PCDHGA2: variants seen among roughly 807,000 people sequenced by gnomAD.
PCDHGA2 encodes protocadherin gamma subfamily A, 2.
In PCDHGA2, 40 loss-of-function variants were observed where a neutral mutation model predicts 59.2. The ratio of observed to expected loss-of-function variants is 0.68; its 90% CI spans 0.52 to 0.88. PCDHGA2 has a LOEUF of 0.88. PCDHGA2 is among the 40% of genes least tolerant of loss of function. PCDHGA2 has a pLI of 0.00. For missense variants in PCDHGA2, 1,226 were observed against 1,204.0 expected, an observed-to-expected ratio of 1.02 and a Z score of -0.27; for synonymous variants, 560 against 526.0, an observed-to-expected ratio of 1.06 and a Z score of -0.89.
chr5:141,399,643 C>T, intron 1 of PCDHGA2: 1 of 1,613,832 alleles, frequency 6.2e-7, no homozygotes, highest in Non-Finnish European at 8.5e-7. Context: ...CATGAGCGCG[C>T]AAAGTGGGGT....
At chr5:141,391,358 G>T (rs2150448712) in intron 1 of PCDHGA2, 1 of 150,474 alleles carries the variant, frequency 6.6e-6, no homozygotes, top group East Asian at 1.9e-4. Context: ...TGTTACTCAG[G>T]CTGTAGTGCA....
intron 1 of PCDHGA2, among the ~76,000 whole-genome samples, chr5:141,401,643 A>G (rs973841801): frequency 6.6e-6 from 1 of 152,262 alleles, no homozygotes; most frequent in African/African-American, 2.4e-5. Context: ...AGCTTTAAAT[A>G]TAAATGACTG....
intron 1 of PCDHGA2, among the ~76,000 whole-genome samples, chr5:141,450,696 A>G (rs943551061): frequency 1.3e-5 from 2 of 152,164 alleles, no homozygotes; most frequent in East Asian, 3.9e-4. Flanking sequence ...CATGTTGCCC[A>G]GGATGGTCTC....
intron 1 of PCDHGA2, among the ~76,000 whole-genome samples, chr5:141,467,590 A>T (rs2099146863): frequency 6.6e-6 from 1 of 152,214 alleles, no homozygotes; most frequent in African/African-American, 2.4e-5. Context: ...AATGCCATTT[A>T]TTAAGCACTT....
chr5:141,494,923 G>A lies in PCDHGA2; in HGVS notation c.2483+58G>A, dbSNP rs572227346. Reference sequence around the variant, plus strand: ...TCTGCGGCATTTTCTCAGGGATGACGTGGGAGGAGATGGGGGAGGGCCCAG... The same window carrying A: ...TCTGCGGCATTTTCTCAGGGATGACATGGGAGGAGATGGGGGAGGGCCCAG... On this transcript the variant is annotated intron_variant, in intron 2 of 3. Coordinates refer to ENST00000394576, the MANE Select transcript of PCDHGA2 (RefSeq NM_018915.4). The A allele has an allele frequency of 8.9e-5, 143 of 1,613,698 alleles. 1 individual carries two copies. In the Middle Eastern group the frequency reaches 1.8e-3, roughly 20 times the overall value.
Position 141,512,270 on chromosome 5 carries a change from G to C in PCDHGA2, c.*1097G>C, listed in dbSNP as rs1188941232. On this transcript the variant is annotated 3_prime_UTR_variant, in exon 4 of 4. Transcript: ENST00000394576. ...TCTGTGGGTGCTGGGTACTCCAGAG[G>C]TGCCACTGGTGGAAGGGTCAGCGGA... 6.5e-6 allele frequency: 1 copy of C among 152,714 alleles called. No homozygotes were observed. The highest frequency in any genetic ancestry group is 2.4e-5 in the African/African-American group (1 of 41,452). The allele number at this position is 152,714 out of a possible 1,614,324, so 9.5% of individuals were successfully genotyped here. A position where few individuals can be genotyped will look rare whatever the true frequency, so the allele number is the denominator to read the frequency against.
rs1038435691 is a variant in PCDHGA2 at position 141,344,648 on chromosome 5, A to G, written c.2424+3253A>G. 1.2e-5 allele frequency: 20 copies of G among 1,613,870 alleles called. No homozygotes were observed. The Admixed American group carries it at 3.2e-4, about 26-fold the overall frequency. ...AGCGGGCCCTGGACCGTGAGAAAAAAGAAATTCACCAGCTTGTCCTGGTTG... is the reference window on the plus strand; with the variant it reads ...AGCGGGCCCTGGACCGTGAGAAAAAGGAAATTCACCAGCTTGTCCTGGTTG... On this transcript the variant is annotated intron_variant, in intron 1 of 3. Coordinates refer to ENST00000394576, the MANE Select transcript of PCDHGA2 (RefSeq NM_018915.4).
chr5:141,431,731 T>G lies in PCDHGA2; in HGVS notation c.2425-63076T>G. 6.2e-7 allele frequency: 1 copy of G among 1,614,210 alleles called. No homozygotes were observed. The highest frequency in any genetic ancestry group is 8.5e-7 in the Non-Finnish European group (1 of 1,180,034). Reference sequence around the variant, plus strand: ...AGATGGAAGTGCAAGCAATGGATAATGCAGGATATTCTGCGCGAGCCAAAG... The same window carrying G: ...AGATGGAAGTGCAAGCAATGGATAAGGCAGGATATTCTGCGCGAGCCAAAG... On this transcript the variant is annotated intron_variant, in intron 1 of 3. Coordinates refer to ENST00000394576, the MANE Select transcript of PCDHGA2 (RefSeq NM_018915.4). The surrounding 1 kb of genome is among the most constrained non-coding windows in gnomAD (Gnocchi z 4.8).
intron 1 of PCDHGA2, among the ~76,000 whole-genome samples, chr5:141,460,983 G>GTGTGTGTA (rs1554142949): frequency 2.2e-5 from 3 of 137,844 alleles, no homozygotes; most frequent in African/African-American, 7.7e-5. Flanking sequence ...GTGTGTGTGT[G>GTGTGTGTA]TATATATATA....
chr5:141,371,551 TA>T, intron 1 of PCDHGA2: 1 of 1,613,822 alleles, frequency 6.2e-7, no homozygotes, highest in Non-Finnish European at 8.5e-7. Flanking sequence ...CTATGCCAAC[TA>T]AAAGGAAACT....
intron 1 of PCDHGA2, among the ~76,000 whole-genome samples, chr5:141,471,107 G>T (rs1023848236): frequency 1.3e-5 from 2 of 148,554 alleles, no homozygotes; most frequent in East Asian, 2.0e-4. Context: ...AGAGTGCAGT[G>T]GTGCGATCTT....
intron 1 of PCDHGA2, among the ~76,000 whole-genome samples, chr5:141,445,567 T>C (rs1465765772): frequency 6.6e-6 from 1 of 152,142 alleles, no homozygotes; most frequent in Admixed American, 6.5e-5. Context: ...AGAGAAAGCT[T>C]ATAGTAGGGA....
chr5:141,433,742 C>G (rs927651405), intron 1 of PCDHGA2, among the ~76,000 whole-genome samples: 1 of 150,826 alleles, frequency 6.6e-6, no homozygotes, highest in Non-Finnish European at 1.5e-5. Flanking sequence ...GAGGCTGAGT[C>G]AGGAGAATTG....
chr5:141,475,644 A>C (rs1021491842), intron 1 of PCDHGA2, among the ~76,000 whole-genome samples: 2 of 152,238 alleles, frequency 1.3e-5, no homozygotes, highest in Non-Finnish European at 2.9e-5. Context: ...TCTTGTGATC[A>C]AAGAAAGTGA....
intron 1 of PCDHGA2, chr5:141,414,525 T>C (rs1413988459): frequency 1.2e-6 from 2 of 1,613,972 alleles, no homozygotes; most frequent in South Asian, 1.1e-5. Flanking sequence ...CAGATATCAA[T>C]GACAACCCAC....
At chr5:141,357,707 C>A in intron 1 of PCDHGA2, 1 of 1,473,478 alleles carries the variant, frequency 6.8e-7, no homozygotes, top group East Asian at 2.4e-5. Flanking sequence ...TGTAATATAT[C>A]AAATAAAGTT....
At chr5:141,393,889 A>T (rs771844364) in intron 1 of PCDHGA2, 3 of 1,613,998 alleles carry the variant, frequency 1.9e-6, no homozygotes, top group Admixed American at 3.3e-5. Flanking sequence ...GTGTTAGAAA[A>T]TTCTCTTCCC....
At chr5:141,389,542 G>C in intron 1 of PCDHGA2, 1 of 1,613,198 alleles carries the variant, frequency 6.2e-7, no homozygotes, top group Non-Finnish European at 8.5e-7. Flanking sequence ...GTGGACGACC[G>C]CAACGACAAT....
At chr5:141,414,059 A>C (rs1008514691) in intron 1 of PCDHGA2, 1 of 1,609,440 alleles carries the variant, frequency 6.2e-7, no homozygotes, top group East Asian at 2.2e-5. Flanking sequence ...CAATTGTTGA[A>C]GTTCCAACTA....
Sources: allele counts gnomAD v4.1 joint callset (sites outside exome capture counted in the v4.1 genomes callset), GRCh38; gene constraint gnomAD v4.1.1; non-coding constraint Gnocchi (gnomAD v3.1); transcripts MANE v1.5; gene names NCBI Gene and HGNC (gene_info 2026-07-23, HGNC 2026-07-21).